The following LMBR1 variants were observed in gnomAD, a reference collection of about 807,000 sequenced individuals.
The protein encoded by LMBR1 is limb region 1 protein homolog.
Under a neutral mutation model 73.9 loss-of-function variants are expected in LMBR1, and 52 were observed. The observed-to-expected ratio is 0.70, with a 90% confidence interval of 0.56 to 0.89. The LOEUF is 0.89. Ranked by LOEUF, LMBR1 falls within the 40% of genes least tolerant of loss-of-function variation. The pLI is 0.00. For synonymous variants in LMBR1, 215 were observed against 209.4 expected (o/e 1.03, Z -0.23); for missense variants, 539 against 579.8 (o/e 0.93, Z 0.72).
chr7:156,690,583 A>G (rs1262958561), intron 15 of LMBR1, among the ~76,000 whole-genome samples: 1 of 152,210 alleles, frequency 6.6e-6, no homozygotes, highest in African/African-American at 2.4e-5. Flanking sequence ...CTTGAGACTC[A>G]GGGTCAAGAC....
chr7:156,798,286 G>A (rs573912315), intron 4 of LMBR1, among the ~76,000 whole-genome samples: 1 of 151,450 alleles, frequency 6.6e-6, no homozygotes, highest in South Asian at 2.1e-4. Flanking sequence ...TTGCTTTTAA[G>A]TTACAGCACC....
In LMBR1 at chr7:156,833,767, G is replaced by A. The variant is rs752415935; in HGVS notation, c.165C>T (p.Ile55=). The A allele has an allele frequency of 1.8e-5, 29 of 1,599,070 alleles. No homozygotes were observed. The highest frequency in any genetic ancestry group is 5.7e-5 in the South Asian group (5 of 87,788). Residue 55 remains isoleucine, a synonymous_variant, in exon 3 of 17, where the codon ATC becomes ATT. Coordinates refer to ENST00000353442, the MANE Select transcript of LMBR1 (RefSeq NM_022458.4). ...KSDEQEDEDA[I]VNRISLFLST... ...AAAATACATACGAAATCCTGTTGAC[G>A]ATGGCATCTTCATCTTCTTGTTCAT...
At chr7:156,724,883 T>C (rs1473228266) in intron 14 of LMBR1, among the ~76,000 whole-genome samples, 2 of 152,128 alleles carry the variant, frequency 1.3e-5, no homozygotes, top group Non-Finnish European at 2.9e-5. Flanking sequence ...TTATTAGTTA[T>C]TCTTCTTTGT....
intron 5 of LMBR1, among the ~76,000 whole-genome samples, chr7:156,774,595 G>C (rs1239543987): frequency 6.6e-6 from 1 of 152,186 alleles, no homozygotes; most frequent in African/African-American, 2.4e-5. Context: ...ACTTTGGGAG[G>C]CTGAGGTGGG....
rs778774188 is a variant in LMBR1, at chr7:156,734,247, T to C, written c.768A>G (p.Ser256=). The part of the protein sequence containing the change: ...ALQRRLNGLS[S]SVEYNIMELE... ...ACTCCATTATGTTGTATTCCACCGA[T>C]GAAGACAGCCCTGTTCAAAGCAAAA... Residue 256 remains serine (S), a synonymous_variant, in exon 10 of 17, where the codon TCA becomes TCG. Coordinates refer to ENST00000353442, the MANE Select transcript of LMBR1 (RefSeq NM_022458.4). The C allele has an allele frequency of 2.0e-5, 33 of 1,609,940 alleles. No individual in the cohort carries two copies. In the East Asian group the frequency reaches 6.3e-4, roughly 31 times the overall value.
intron 3 of LMBR1, among the ~76,000 whole-genome samples, chr7:156,827,424 T>C (rs68054213): frequency 0.46 from 69,283 of 151,826 alleles, 15,983 homozygotes; most frequent in East Asian, 0.61. Context: ...GTAAAACATG[T>C]TCTCCCCCCA....
intron 5 of LMBR1, among the ~76,000 whole-genome samples, chr7:156,784,239 G>A (rs1243307621): frequency 6.6e-6 from 1 of 152,042 alleles, no homozygotes; most frequent in Non-Finnish European, 1.5e-5. Flanking sequence ...TCACGGTGTT[G>A]GCTTTTCTCA....
At chr7:156,698,797 T>C (rs985682515) in intron 15 of LMBR1, among the ~76,000 whole-genome samples, 3 of 152,170 alleles carry the variant, frequency 2.0e-5, no homozygotes, top group South Asian at 2.1e-4. Context: ...CTGGAGACAC[T>C]TTCCCCATTA....
intron 1 of LMBR1, among the ~76,000 whole-genome samples, chr7:156,837,305 A>T (rs891763889): frequency 6.7e-6 from 1 of 150,170 alleles, no homozygotes; most frequent in Non-Finnish European, 1.5e-5. Context: ...ATCGCACTCT[A>T]GCCTGGGCAA....
rs1345788246 is a variant in LMBR1, at chr7:156,679,377, G to A, written c.*4701C>T. The A allele has an allele frequency of 6.6e-6, 1 of 152,294 alleles. No individual in the cohort carries two copies. Among genetic ancestry groups the A allele is most frequent in the African/African-American group, 2.4e-5 (1 of 41,466 alleles). The allele number at this position is 152,294 out of a possible 1,614,324, so 9.4% of individuals were successfully genotyped here. ...GCCAGGCCAGAGAGGTGGCGAGGAG[G>A]AAGTGAGCAGGAGGAGGACGATGCT... On this transcript the variant is annotated 3_prime_UTR_variant, in exon 17 of 17. Coordinates refer to ENST00000353442, the MANE Select transcript of LMBR1 (RefSeq NM_022458.4).
At chr7:156,876,883 T>C (rs573574354) in intron 1 of LMBR1, among the ~76,000 whole-genome samples, 41 of 151,788 alleles carry the variant, frequency 2.7e-4, no homozygotes, top group Non-Finnish European at 5.1e-4. Flanking sequence ...AGAGCACAAA[T>C]AGACAATCTA....
intron 4 of LMBR1, among the ~76,000 whole-genome samples, chr7:156,819,296 C>T (rs1245958565): frequency 6.6e-6 from 1 of 152,054 alleles, no homozygotes; most frequent in Non-Finnish European, 1.5e-5. Context: ...AATATATTTG[C>T]ACATACAAAA....
intron 1 of LMBR1, among the ~76,000 whole-genome samples, chr7:156,889,485 T>A (rs1035826307): frequency 6.6e-6 from 1 of 152,212 alleles, no homozygotes; most frequent in Non-Finnish European, 1.5e-5. Context: ...GTATTTACAT[T>A]CACTCTAAAT....
At chr7:156,797,978 T>TA (rs11386262) in intron 4 of LMBR1, among the ~76,000 whole-genome samples, 66,929 of 151,898 alleles carry the variant, frequency 0.44, 14,931 homozygotes, top group East Asian at 0.61. Context: ...TTCCAGCCTT[T>TA]AAAAAAAGCC....
At chr7:156,885,365 A>AG (rs1321537156) in intron 1 of LMBR1, among the ~76,000 whole-genome samples, 1 of 152,004 alleles carries the variant, frequency 6.6e-6, no homozygotes, top group Non-Finnish European at 1.5e-5. Context: ...AGAAAAAAAA[A>AG]AAAAAGTCCC....
At position 156,685,266 on chromosome 7, in the gene LMBR1, G is replaced by A. The variant is rs75896785; in HGVS notation, c.1388-1103C>T. 6.2e-4 allele frequency among the ~76,000 whole-genome samples: 95 copies of A among 152,312 alleles called. 2 individuals carry two copies. In the East Asian group the frequency reaches 0.016, roughly 26 times the overall value. On this transcript the variant is annotated intron_variant, in intron 16 of 16. Transcript: ENST00000353442. This position sits in a 1 kb window ranked among gnomAD's most constrained non-coding sequence, Gnocchi z 4.1. ...TGCCCTCTCACAGGGAGAAAGGGCA[G>A]AAGAAAATGTAAGAGCTTCTGTGGC... is the stretch of plus-strand genomic sequence containing the variant.
intron 4 of LMBR1, among the ~76,000 whole-genome samples, chr7:156,672,228 C>G (rs1802697986): frequency 6.6e-6 from 1 of 152,202 alleles, no homozygotes; most frequent in Non-Finnish European, 1.5e-5. Flanking sequence ...CTGTTTCTTT[C>G]AACAAGTGCC....
At chr7:156,785,373 G>C (rs1292939863) in intron 5 of LMBR1, among the ~76,000 whole-genome samples, 1 of 152,154 alleles carries the variant, frequency 6.6e-6, no homozygotes, top group Non-Finnish European at 1.5e-5. Context: ...TAACGAAAAT[G>C]CAATAGAAGG....
rs1247028499 is a variant in LMBR1 at position 156,682,615 on chromosome 7, A to G, written c.*1463T>C. 1 of 152,230 alleles carries G rather than the reference A, an allele frequency of 6.6e-6. No homozygotes were observed. The highest frequency in any genetic ancestry group is 1.5e-5 in the Non-Finnish European group (1 of 68,036). The allele number at this position is 152,230 out of a possible 1,614,324, so 9.4% of individuals were successfully genotyped here. ...CTCGGAAGGAAATGCAGACGTATAA[A>G]TAAGGGGGAAGTGTACTCAACAAAG... On this transcript the variant is annotated 3_prime_UTR_variant, in exon 17 of 17. Coordinates refer to ENST00000353442, the MANE Select transcript of LMBR1 (RefSeq NM_022458.4).
Sources: gnomAD v4.1 joint callset for allele counts (sites outside exome capture counted in the v4.1 genomes callset) on GRCh38, gnomAD v4.1.1 for gene constraint, Gnocchi (gnomAD v3.1) non-coding constraint, MANE v1.5 for transcripts, NCBI Gene and HGNC (gene_info 2026-07-23, HGNC 2026-07-21) for gene names.